The following PLCG2 variants were observed in gnomAD, a reference collection of about 807,000 sequenced individuals.
PLCG2 encodes the protein phospholipase C gamma 2.
PLCG2 carries 69 observed loss-of-function variants against 175.6 expected under a neutral mutation model. The observed-to-expected ratio is 0.39, with a 90% CI of 0.32 to 0.48. The LOEUF is 0.48. PLCG2 is among the 20% of genes least tolerant of loss of function. The pLI, the probability that PLCG2 is intolerant of heterozygous loss-of-function variation, is 0.91. For missense variants in PLCG2, 1,798 were observed against 1,650.9 expected (o/e 1.09, Z -1.54); for synonymous variants, 827 against 624.0 (o/e 1.33, Z -4.85).
chr16:81,950,366 C>A (rs1304658190), intron 31 of PLCG2, among the ~76,000 whole-genome samples: 2 of 152,046 alleles, frequency 1.3e-5, no homozygotes, highest in African/African-American at 4.8e-5. Context: ...TGCTTGTTTT[C>A]TAAAGGGATA....
intron 11 of PLCG2, among the ~76,000 whole-genome samples, chr16:81,892,961 C>T (rs1463531991): frequency 6.6e-6 from 1 of 151,852 alleles, no homozygotes; most frequent in Non-Finnish European, 1.5e-5. Flanking sequence ...TCTCCTGCCT[C>T]AGCCTCCCGA....
intron 2 of PLCG2, among the ~76,000 whole-genome samples, chr16:81,815,868 C>G (rs1049549959): frequency 6.6e-6 from 1 of 151,720 alleles, no homozygotes; most frequent in African/African-American, 2.4e-5. Flanking sequence ...CGAGACCAGC[C>G]CGGCCAACAT....
At chr16:81,748,310 A>C (rs1274412193) in intron 1 of PLCG2, among the ~76,000 whole-genome samples, 1 of 151,996 alleles carries the variant, frequency 6.6e-6, no homozygotes, top group African/African-American at 2.4e-5. Context: ...GAATTGCTTG[A>C]ACCTGGAAGG....
At chr16:81,875,184 G>A (rs183735169) in intron 7 of PLCG2, among the ~76,000 whole-genome samples, 1 of 151,848 alleles carries the variant, frequency 6.6e-6, no homozygotes, top group East Asian at 1.9e-4. Flanking sequence ...GGCTAGTCTC[G>A]AACTCCTGAC....
At chr16:81,948,036 C>A (rs562193265) in intron 31 of PLCG2, among the ~76,000 whole-genome samples, 175 of 151,486 alleles carry the variant, frequency 1.2e-3, no homozygotes, top group Non-Finnish European at 1.8e-3. Context: ...GTCCCTAATT[C>A]ACTTATGCTC....
At chr16:81,872,801 G>T (rs562921193) in intron 7 of PLCG2, among the ~76,000 whole-genome samples, 2 of 152,360 alleles carry the variant, frequency 1.3e-5, no homozygotes, top group East Asian at 3.9e-4. Context: ...CCTAGCCTCA[G>T]TCTTCTCCTC....
At chr16:81,944,713 T>G (rs1911082102) in intron 30 of PLCG2, among the ~76,000 whole-genome samples, 1 of 152,136 alleles carries the variant, frequency 6.6e-6, no homozygotes, top group African/African-American at 2.4e-5. Context: ...TGGCTTCAAG[T>G]GATCCTCCTG....
At chr16:81,937,515 A>C (rs1910764173) in intron 27 of PLCG2, 1 of 398,874 alleles carries the variant, frequency 2.5e-6, no homozygotes, top group African/African-American at 2.0e-5. Context: ...AGACACTTTT[A>C]GCAAGTTTGA....
rs28531953 is a variant in PLCG2, at chr16:81,866,296, T to G, written c.480-2918T>G. On this transcript the variant is annotated intron_variant, in intron 5 of 32. Transcript: ENST00000564138. Reference sequence around the variant, plus strand: ...ATGAGAGGATGCTAGCCTCTCCCTTTCTCCCAGGATGGGCTCCACTGGGGC... The same window carrying G: ...ATGAGAGGATGCTAGCCTCTCCCTTGCTCCCAGGATGGGCTCCACTGGGGC... Among the ~76,000 whole-genome samples the G allele has an allele frequency of 9.4e-5, 10 of 106,118 alleles. No individual in the cohort carries two copies. In the South Asian group the frequency reaches 1.0e-3, roughly 11 times the overall value. 69.6% of individuals were successfully genotyped at this position (106,118 alleles called of 152,430 possible).
At chr16:81,869,171 G>A in intron 5 of PLCG2, 43 bp from the exon 6 acceptor site, 1 of 1,497,882 alleles carries the variant, frequency 6.7e-7, no homozygotes, top group Non-Finnish European at 9.3e-7. Context: ...CTGTGCTGTT[G>A]AAAACCCTCA....
rs763347799 is a variant in PLCG2 at position 81,908,511 on chromosome 16, C to T, written c.1653C>T (p.Cys551=). The change falls in exon 17 of 33, where the codon TGC becomes TGT. Residue 551 remains cysteine (C), a synonymous_variant. Transcript: ENST00000564138. ...CCGAGAAGTTGCTGCAGGAATACTG[C>T]ATGGAGACGGGGGGCAAGGATGGCA... ...TSAEKLLQEY[C]METGGKDGTF... is the part of the protein sequence containing the mutation. 18 of 1,613,856 alleles carry T rather than the reference C, an allele frequency of 1.1e-5. No individual in the cohort carries two copies. The highest frequency in any genetic ancestry group is 1.1e-5 in the South Asian group (1 of 91,076).
chr16:81,955,566 T>G (rs966576869), intron 31 of PLCG2, among the ~76,000 whole-genome samples: 7 of 152,222 alleles, frequency 4.6e-5, no homozygotes, highest in Non-Finnish European at 1.0e-4. Flanking sequence ...CTGAAAAGTT[T>G]AGGGGTAGGT....
chr16:81,768,217 A>T (rs1235812275), intron 2 of PLCG2, among the ~76,000 whole-genome samples: 1 of 152,188 alleles, frequency 6.6e-6, no homozygotes, highest in African/African-American at 2.4e-5. Flanking sequence ...TGCATTTGAG[A>T]TTCAGCCTTG....
At chr16:81,778,301 T>G (rs926045222), upstream of PLCG2, among the ~76,000 whole-genome samples, 4 of 152,010 alleles carry the variant, frequency 2.6e-5, no homozygotes, top group African/African-American at 9.7e-5. Flanking sequence ...GTCCCGGAGT[T>G]CGAGGATGTG....
rs775728338 is a variant in PLCG2 at position 81,895,827 on chromosome 16, G to C, written c.1093G>C (p.Asp365His). Residue 365 changes from aspartate to histidine, a missense_variant, in exon 13 of 33, where the codon GAT (aspartate) becomes CAT (histidine). Coordinates refer to ENST00000564138, the MANE Select transcript of PLCG2 (RefSeq NM_002661.5). ...CIELDCWDGPDGKPVIYHGWT... is the reference protein window; with the variant it reads ...CIELDCWDGPHGKPVIYHGWT... Reference sequence around the variant, plus strand: ...TGTAGTGGACTGCTGGGACGGGCCCGATGGGAAGCCGGTCATCTACCATGG... The same window carrying C: ...TGTAGTGGACTGCTGGGACGGGCCCCATGGGAAGCCGGTCATCTACCATGG... The C allele has an allele frequency of 1.9e-6, 3 of 1,614,126 alleles. No individual in the cohort carries two copies. The highest frequency in any genetic ancestry group is 2.5e-6 in the Non-Finnish European group (3 of 1,179,996).
chr16:81,857,706 A>G (rs12446576), intron 3 of PLCG2, among the ~76,000 whole-genome samples: 46,899 of 151,948 alleles, frequency 0.31, 7,828 homozygotes, highest in South Asian at 0.38. Flanking sequence ...ATCTAAACCT[A>G]AATACCTCAC....
At chr16:81,819,527 C>G (rs1380161208) in intron 2 of PLCG2, among the ~76,000 whole-genome samples, 1 of 152,184 alleles carries the variant, frequency 6.6e-6, no homozygotes, top group Non-Finnish European at 1.5e-5. Context: ...GGTGTGAGAT[C>G]TTCCCAGCCA....
At chr16:81,772,189 A>G (rs1015234904) in intron 2 of PLCG2, among the ~76,000 whole-genome samples, 1 of 152,120 alleles carries the variant, frequency 6.6e-6, no homozygotes, top group Non-Finnish European at 1.5e-5. Context: ...TTACCAGAGA[A>G]AGGAGAGGGG....
chr16:81,933,663 G>A (rs1319707625), intron 25 of PLCG2, among the ~76,000 whole-genome samples: 1 of 152,034 alleles, frequency 6.6e-6, no homozygotes, highest in Non-Finnish European at 1.5e-5. Context: ...CTGTCAGGGT[G>A]TGGATTGACT....
Sources: allele counts gnomAD v4.1 joint callset (sites outside exome capture counted in the v4.1 genomes callset), GRCh38; gene constraint gnomAD v4.1.1; transcripts MANE v1.5; gene names NCBI Gene and HGNC (gene_info 2026-07-23, HGNC 2026-07-21).